BMERB1: variants seen among roughly 807,000 people sequenced by gnomAD.
BMERB1 encodes bMERB domain containing 1.
Under a neutral mutation model 23.6 loss-of-function variants are expected in BMERB1, and 12 were observed. That is an observed-to-expected ratio of 0.51 (90% CI 0.33 to 0.82). The LOEUF (loss-of-function observed/expected upper bound fraction) is 0.82. BMERB1 is among the 40% of genes least tolerant of loss of function. BMERB1 has a pLI of 0.03. For missense variants in BMERB1, 247 were observed against 255.4 expected (o/e 0.97, Z 0.22); for synonymous variants, 122 against 96.6 (o/e 1.26, Z -1.54).
At chr16:15,503,677 A>G (rs1442660544) in intron 1 of BMERB1, among the ~76,000 whole-genome samples, 1 of 152,030 alleles carries the variant, frequency 6.6e-6, no homozygotes, top group Non-Finnish European at 1.5e-5. Context: ...ATATCATCCC[A>G]TTTCATCCCT....
intron 2 of BMERB1, among the ~76,000 whole-genome samples, chr16:15,542,643 T>G (rs907738715): frequency 1.3e-5 from 2 of 150,186 alleles, no homozygotes; most frequent in Non-Finnish European, 3.0e-5. Flanking sequence ...TTTTTTTTTT[T>G]TTTTTTTTTT....
rs1247845315 is a variant in BMERB1, at chr16:15,587,968, TAA to T, written c.*1142_*1143del. ...AATGGAAACCACGTTCACAGCATTT[TAA>T]AAGTTTTTACTTTTTTTCTTGATTA... is the stretch of plus-strand genomic sequence containing the variant. On this transcript the variant is annotated 3_prime_UTR_variant, in exon 6 of 6. Coordinates refer to ENST00000300006, the MANE Select transcript of BMERB1 (RefSeq NM_033201.3). 1 of 152,766 alleles carries T rather than the reference TAA, an allele frequency of 6.5e-6. No homozygotes were observed. Among genetic ancestry groups the T allele is most frequent in the Non-Finnish European group, 1.5e-5 (1 of 68,172 alleles). The allele number at this position is 152,766 out of a possible 1,614,324, so 9.5% of individuals were successfully genotyped here. A position where few individuals can be genotyped will look rare whatever the true frequency, so the allele number is the denominator to read the frequency against.
chr16:15,566,193 T>C (rs949908788), intron 2 of BMERB1, among the ~76,000 whole-genome samples: 1 of 152,232 alleles, frequency 6.6e-6, no homozygotes, highest in Admixed American at 6.5e-5. Flanking sequence ...TTAATTTTTG[T>C]AGCACACACA....
At chr16:15,507,970 A>G (rs1324418993) in intron 1 of BMERB1, among the ~76,000 whole-genome samples, 8 of 152,154 alleles carry the variant, frequency 5.3e-5, no homozygotes, top group Admixed American at 3.3e-4. Context: ...AAAGCAATAC[A>G]GTCTACTCAG....
At chr16:15,514,404 G>T (rs527939977) in intron 1 of BMERB1, among the ~76,000 whole-genome samples, 1 of 152,298 alleles carries the variant, frequency 6.6e-6, no homozygotes, top group East Asian at 1.9e-4. Context: ...TGGTCAGGGG[G>T]AGCAGAGGCT....
intron 1 of BMERB1, among the ~76,000 whole-genome samples, chr16:15,455,590 A>G (rs566401402): frequency 8.1e-4 from 123 of 151,900 alleles, no homozygotes; most frequent in African/African-American, 2.8e-3. Context: ...CCTCCCAAGC[A>G]GATGGGATTA....
chr16:15,495,482 C>T (rs902422399), intron 1 of BMERB1, among the ~76,000 whole-genome samples: 7 of 152,198 alleles, frequency 4.6e-5, no homozygotes, highest in Non-Finnish European at 1.0e-4. Context: ...TCTCCTGCCT[C>T]AGCCTCCCAA....
chr16:15,537,141 A>G (rs1052175887), intron 2 of BMERB1, among the ~76,000 whole-genome samples: 2 of 152,002 alleles, frequency 1.3e-5, no homozygotes, highest in Non-Finnish European at 2.9e-5. Context: ...CTTTGATTGA[A>G]CCTGGGGCTA....
chr16:15,445,321 C>T (rs2050980007), intron 1 of BMERB1, among the ~76,000 whole-genome samples: 1 of 151,064 alleles, frequency 6.6e-6, no homozygotes, highest in Non-Finnish European at 1.5e-5. Context: ...GTACATGATA[C>T]ATGTTTAGTA....
In BMERB1 at chr16:15,452,935, A is replaced by C. The variant is rs1166132331; in HGVS notation, c.106+18176A>C. ...GCTATCATGAGAGAAAGAACAATGG[A>C]TGCTTGCAGAACAGAACCCGCAGAT... On this transcript the variant is annotated intron_variant, in intron 1 of 5. Coordinates refer to ENST00000300006, the MANE Select transcript of BMERB1 (RefSeq NM_033201.3). Among the ~76,000 whole-genome samples, 5 of 152,150 alleles carry C rather than the reference A, an allele frequency of 3.3e-5. No individual in the cohort carries two copies. The East Asian group carries it at 9.6e-4, about 29-fold the overall frequency.
chr16:15,438,461 A>G (rs1020943290), intron 1 of BMERB1, among the ~76,000 whole-genome samples: 102 of 118,134 alleles, frequency 8.6e-4, no homozygotes, highest in Non-Finnish European at 1.5e-3. Flanking sequence ...TATTTTCTAG[A>G]CTATTTTTTT....
At chr16:15,537,657 A>G (rs562136925) in intron 2 of BMERB1, among the ~76,000 whole-genome samples, 3 of 147,496 alleles carry the variant, frequency 2.0e-5, no homozygotes, top group Non-Finnish European at 3.0e-5. Flanking sequence ...CCCGGCCGAG[A>G]AATATATATG....
intron 2 of BMERB1, among the ~76,000 whole-genome samples, chr16:15,535,130 G>A (rs978588345): frequency 1.3e-4 from 20 of 151,812 alleles, no homozygotes; most frequent in African/African-American, 2.4e-4. Context: ...TGGGAGGATC[G>A]CTTGAGCCTA....
chr16:15,446,074 C>G (rs767743833), intron 1 of BMERB1, among the ~76,000 whole-genome samples: 3 of 152,000 alleles, frequency 2.0e-5, no homozygotes, highest in Non-Finnish European at 2.9e-5. Flanking sequence ...AGAAAGTAAG[C>G]GAGACTCTAA....
intron 1 of BMERB1, among the ~76,000 whole-genome samples, chr16:15,465,780 T>G (rs984424629): frequency 3.9e-5 from 6 of 152,384 alleles, no homozygotes; most frequent in Admixed American, 1.3e-4. Context: ...TGTATTTATC[T>G]TTTCCACATT....
intron 1 of BMERB1, among the ~76,000 whole-genome samples, chr16:15,470,223 A>G (rs867722429): frequency 1.3e-5 from 2 of 152,232 alleles, no homozygotes; most frequent in East Asian, 3.9e-4. Context: ...TTCTGCATCA[A>G]TTGATACAAT....
At chr16:15,502,541 AG>A (rs901834528) in intron 1 of BMERB1, among the ~76,000 whole-genome samples, 8 of 152,190 alleles carry the variant, frequency 5.3e-5, no homozygotes, top group African/African-American at 1.9e-4. Flanking sequence ...CGTTATAGCA[AG>A]AAGGCGAGGC....
chr16:15,477,200 GT>G (rs2051281821), intron 1 of BMERB1, among the ~76,000 whole-genome samples: 1 of 152,130 alleles, frequency 6.6e-6, no homozygotes, highest in Admixed American at 6.6e-5. Context: ...TTAGAATTGT[GT>G]GTGGAAGGCA....
At chr16:15,584,597 C>G (rs2031096747) in intron 5 of BMERB1, among the ~76,000 whole-genome samples, 1 of 151,728 alleles carries the variant, frequency 6.6e-6, no homozygotes, top group African/African-American at 2.4e-5. Context: ...AATGGATGCC[C>G]AATTCAAACT....
Sources: allele counts gnomAD v4.1 joint callset (sites outside exome capture counted in the v4.1 genomes callset), GRCh38; gene constraint gnomAD v4.1.1; transcripts MANE v1.5; gene names NCBI Gene and HGNC (gene_info 2026-07-23, HGNC 2026-07-21).